SLC9A2: variants seen among roughly 807,000 people sequenced by gnomAD.
The protein encoded by SLC9A2 is solute carrier family 9 member A2.
Under a neutral mutation model 71.7 loss-of-function variants are expected in SLC9A2, and 42 were observed. The ratio of observed to expected loss-of-function variants is 0.59; its 90% CI spans 0.46 to 0.76. SLC9A2 has a LOEUF of 0.76. SLC9A2 is among the 30% of genes least tolerant of loss of function. SLC9A2 has a pLI of 0.00. For missense variants in SLC9A2, 829 were observed against 1,017.4 expected (o/e 0.81, Z 2.52); for synonymous variants, 396 against 392.5 (o/e 1.01, Z -0.10).
intron 9 of SLC9A2, among the ~76,000 whole-genome samples, chr2:102,702,869 T>C (rs539741596): frequency 6.6e-6 from 1 of 152,370 alleles, no homozygotes; most frequent in Non-Finnish European, 1.5e-5. Flanking sequence ...TAGTTTCTTC[T>C]CTTCTGAGCC....
chr2:102,622,304 C>A (rs1316224831), intron 1 of SLC9A2, among the ~76,000 whole-genome samples: 1 of 152,040 alleles, frequency 6.6e-6, no homozygotes, highest in Non-Finnish European at 1.5e-5. Flanking sequence ...AGTGGCGAGC[C>A]AAAATGAATG....
In SLC9A2 at chr2:102,672,992, G is replaced by C. The variant is rs544212156; in HGVS notation, c.1004+7642G>C. Among the ~76,000 whole-genome samples, 106 of 150,746 alleles carry C rather than the reference G, an allele frequency of 7.0e-4. 1 individual carries two copies. The highest frequency in any genetic ancestry group is 2.6e-3 in the African/African-American group (104 of 40,366). On this transcript the variant is annotated intron_variant, in intron 3 of 11. Transcript: ENST00000233969. ...TTAAGGTCTATAGGTCTTTATTCTA[G>C]CTAATGCCAAAAGATATTGATTTCT... is the stretch of plus-strand genomic sequence containing the variant.
At chr2:102,639,303 A>T (rs1170656419) in intron 1 of SLC9A2, among the ~76,000 whole-genome samples, 1 of 152,248 alleles carries the variant, frequency 6.6e-6, no homozygotes, top group African/African-American at 2.4e-5. Context: ...ACATTTTGCT[A>T]TGAGTGTTTT....
intron 1 of SLC9A2, among the ~76,000 whole-genome samples, chr2:102,625,456 G>C (rs1241815114): frequency 1.3e-5 from 2 of 151,454 alleles, no homozygotes; most frequent in Admixed American, 1.3e-4. Flanking sequence ...ATCTCCTAAT[G>C]CTATACCTCC....
rs1171585333 is a variant in SLC9A2 at position 102,694,175 on chromosome 2, T to C, written c.1426-239T>C. Among the ~76,000 whole-genome samples, 4 of 152,262 alleles carry C rather than the reference T, an allele frequency of 2.6e-5. No homozygotes were observed. The East Asian group carries it at 5.8e-4, about 22-fold the overall frequency. On this transcript the variant is annotated intron_variant, in intron 5 of 11. Coordinates refer to ENST00000233969, the MANE Select transcript of SLC9A2 (RefSeq NM_003048.6). ...TTTTGTCTTTGTTTTTGTTAGGACA[T>C]GGTCCTTTTAAAATATGCCAGCTAT...
In SLC9A2 at chr2:102,690,286, G is replaced by T. The variant is rs759031223; in HGVS notation, c.1426-4128G>T. On this transcript the variant is annotated intron_variant, in intron 5 of 11. Transcript: ENST00000233969. The stretch of plus-strand genomic sequence containing the variant: ...CAAGGTCAGAAAAAGTGTGAGTGGA[G>T]AGTGCAGTCTTGGATGTAGTGACGC... 6.2e-4 allele frequency among the ~76,000 whole-genome samples: 95 copies of T among 152,166 alleles called. 1 individual carries two copies. The highest frequency in any genetic ancestry group is 1.6e-4 in the Non-Finnish European group (11 of 68,038).
intron 1 of SLC9A2, among the ~76,000 whole-genome samples, chr2:102,645,023 G>A (rs1676690379): frequency 1.3e-5 from 2 of 152,192 alleles, no homozygotes; most frequent in African/African-American, 4.8e-5. Flanking sequence ...CCCAGCAGGG[G>A]TCGACAGACA....
chr2:102,700,651 AAAAC>A (rs760248937), intron 7 of SLC9A2, among the ~76,000 whole-genome samples: 5 of 152,208 alleles, frequency 3.3e-5, no homozygotes, highest in East Asian at 1.9e-4. Context: ...GGAATTGGGG[AAAAC>A]AAACAGTGAT....
At chr2:102,643,524 T>G (rs1272667221) in intron 1 of SLC9A2, among the ~76,000 whole-genome samples, 1 of 152,212 alleles carries the variant, frequency 6.6e-6, no homozygotes. Flanking sequence ...ATTTCTGGGC[T>G]GCCGGCTTCT....
chr2:102,698,984 GA>G (rs931859979), intron 7 of SLC9A2, among the ~76,000 whole-genome samples: 5 of 151,660 alleles, frequency 3.3e-5, no homozygotes, highest in East Asian at 1.9e-4. Flanking sequence ...TGGTGACACA[GA>G]AAAAAAAATC....
chr2:102,678,133 C>T (rs17027728), intron 3 of SLC9A2, among the ~76,000 whole-genome samples: 8,596 of 152,120 alleles, frequency 0.057, 458 homozygotes, highest in African/African-American at 0.14. Context: ...CATTCTAGCA[C>T]GTACAGTGTT....
At chr2:102,699,336 G>A (rs575210183) in intron 7 of SLC9A2, among the ~76,000 whole-genome samples, 145 of 152,176 alleles carry the variant, frequency 9.5e-4, no homozygotes, top group Non-Finnish European at 1.7e-3. Context: ...CACCAGTGAC[G>A]CTGCAGCTAA....
intron 7 of SLC9A2, among the ~76,000 whole-genome samples, chr2:102,698,914 A>G (rs896067189): frequency 1.3e-5 from 2 of 152,158 alleles, no homozygotes; most frequent in East Asian, 3.9e-4. Context: ...GTGTGGATAC[A>G]GGGAGGACTT....
intron 1 of SLC9A2, among the ~76,000 whole-genome samples, chr2:102,656,176 C>T (rs368197228): frequency 1.3e-5 from 2 of 152,314 alleles, no homozygotes; most frequent in African/African-American, 2.4e-5. Flanking sequence ...GTCCAGTGAC[C>T]TTCGTGTGTT....
chr2:102,666,399 G>A (rs1024936318), intron 3 of SLC9A2, among the ~76,000 whole-genome samples: 2 of 151,934 alleles, frequency 1.3e-5, no homozygotes, highest in Admixed American at 6.6e-5. Flanking sequence ...GGGTTTCACC[G>A]TGTGAGCCAG....
Position 102,709,797 on chromosome 2 carries a change from C to T in SLC9A2, c.*1308C>T, listed in dbSNP as rs1008646875. 2.6e-5 allele frequency: 4 copies of T among 151,942 alleles called. No individual in the cohort carries two copies. Among genetic ancestry groups the T allele is most frequent in the African/African-American group, 9.7e-5 (4 of 41,122 alleles). 9.4% of individuals were successfully genotyped at this position (151,942 alleles called of 1,614,324 possible). ...TCTCTTAACTGTAGATTTTATTGGCCTGTTTTTTTTTTCTAAATAATTCTT... is the reference window on the plus strand; with the variant it reads ...TCTCTTAACTGTAGATTTTATTGGCTTGTTTTTTTTTTCTAAATAATTCTT... On this transcript the variant is annotated 3_prime_UTR_variant, in exon 12 of 12. Coordinates refer to ENST00000233969, the MANE Select transcript of SLC9A2 (RefSeq NM_003048.6).
At chr2:102,694,861 T>A (rs970663184) in intron 6 of SLC9A2, among the ~76,000 whole-genome samples, 182 bp from the exon 7 acceptor site, 1 of 135,008 alleles carries the variant, frequency 7.4e-6, no homozygotes, top group Admixed American at 7.3e-5. Flanking sequence ...CTAATACTGA[T>A]GTGACAAACA....
intron 7 of SLC9A2, among the ~76,000 whole-genome samples, chr2:102,699,107 C>T (rs954771625): frequency 2.6e-5 from 4 of 152,090 alleles, no homozygotes; most frequent in Non-Finnish European, 5.9e-5. Flanking sequence ...ATCTGGGCAG[C>T]GAGATGGGGA....
chr2:102,694,576 C>A, intron 6 of SLC9A2, 73 bp downstream of exon 6: 1 of 658,132 alleles, frequency 1.5e-6, no homozygotes, highest in Non-Finnish European at 2.5e-6. Context: ...AGCTTGGTAC[C>A]ACGTTGTCCA....
Sources: allele counts gnomAD v4.1 joint callset (sites outside exome capture counted in the v4.1 genomes callset), GRCh38; gene constraint gnomAD v4.1.1; transcripts MANE v1.5; gene names NCBI Gene and HGNC (gene_info 2026-07-23, HGNC 2026-07-21).